The following SPTLC1 variants were observed in gnomAD, a reference collection of about 807,000 sequenced individuals.
SPTLC1 encodes the protein serine palmitoyltransferase long chain base subunit 1.
Under a neutral mutation model 68.9 loss-of-function variants are expected in SPTLC1, and 55 were observed. The observed-to-expected ratio is 0.80, with a 90% CI of 0.64 to 1.00. The LOEUF is 1.00. Among genes scored for constraint, SPTLC1 ranks in the 50% least tolerant of loss-of-function variants. SPTLC1 has a pLI of 0.00. For synonymous variants in SPTLC1, 197 were observed against 201.6 expected, an observed-to-expected ratio of 0.98 and a Z score of 0.19; for missense variants, 449 against 573.1, an observed-to-expected ratio of 0.78 and a Z score of 2.21.
At chr9:92,079,096 G>A in intron 5 of SPTLC1, 1 of 809,584 alleles carries the variant, frequency 1.2e-6, no homozygotes, top group South Asian at 5.6e-5. Context: ...ATTTATTTTT[G>A]AGACAGTCTT....
chr9:92,109,128 C>A (rs1272160156), intron 2 of SPTLC1: 3 of 290,424 alleles, frequency 1.0e-5, no homozygotes, highest in African/African-American at 4.3e-5. Flanking sequence ...CACTTTAATT[C>A]TACCACTCTT....
At chr9:92,087,668 C>A (rs1483454509) in intron 3 of SPTLC1, among the ~76,000 whole-genome samples, 1 of 152,190 alleles carries the variant, frequency 6.6e-6, no homozygotes, top group Admixed American at 6.5e-5. Context: ...GGGGTGCCTC[C>A]CAGTTAGGCT....
chr9:92,059,804 A>C (rs1834024133), intron 6 of SPTLC1, among the ~76,000 whole-genome samples: 1 of 152,196 alleles, frequency 6.6e-6, no homozygotes, highest in African/African-American at 2.4e-5. Context: ...CATCTATGTC[A>C]GCAAAGGCTG....
At chr9:92,075,935 C>G (rs973670952) in intron 5 of SPTLC1, among the ~76,000 whole-genome samples, 6 of 152,118 alleles carry the variant, frequency 3.9e-5, no homozygotes, top group African/African-American at 1.4e-4. Flanking sequence ...TTTTCCTGTC[C>G]CTGACCCAGA....
chr9:92,068,095 A>T lies in SPTLC1; in HGVS notation c.431T>A (p.Val144Asp), dbSNP rs119482083. 1.3e-5 allele frequency: 21 copies of T among 1,613,686 alleles called. No homozygotes were observed. Among genetic ancestry groups the T allele is most frequent in the Non-Finnish European group, 1.8e-5 (21 of 1,179,864 alleles). The change falls in exon 6 of 15, where the codon GTT (valine) becomes GAT (aspartate). Residue 144 changes from valine to aspartate, a missense_variant. This residue lies in a region of SPTLC1 where 391 missense variants were observed against 472.1 expected (regional missense o/e 0.83). Coordinates refer to ENST00000262554, the MANE Select transcript of SPTLC1 (RefSeq NM_006415.4). Reference sequence around the variant, plus strand: ...CAGGCGGTCTTCCAAATCCAAATGAACATCTATTTCAGTTAAAAAAGTTAA... The same window carrying T: ...CAGGCGGTCTTCCAAATCCAAATGATCATCTATTTCAGTTAAAAAAGTTAA... ...GPRGFYGTFD[V>D]HLDLEDRLAK...
Position 92,080,862 on chromosome 9 carries a change from C to A in SPTLC1, c.354+8G>T. 6.3e-7 allele frequency: 1 copy of A among 1,597,958 alleles called. No individual in the cohort carries two copies. The highest frequency in any genetic ancestry group is 8.6e-7 in the Non-Finnish European group (1 of 1,166,120). On this transcript the variant is annotated splice_region_variant and intron_variant, in intron 4 of 14. Coordinates refer to ENST00000262554, the MANE Select transcript of SPTLC1 (RefSeq NM_006415.4). ...TATCTGTCCACTTCAGCAATATGTG[C>A]TACTCACCTTAACCCTAGGGTTATC...
intron 6 of SPTLC1, among the ~76,000 whole-genome samples, chr9:92,062,306 T>C (rs1352962441): frequency 6.6e-6 from 1 of 152,134 alleles, no homozygotes; most frequent in Non-Finnish European, 1.5e-5. Flanking sequence ...GGTCAATTCA[T>C]CAAGAAAACT....
At chr9:92,051,997 A>G (rs936914671) in intron 8 of SPTLC1, among the ~76,000 whole-genome samples, 1 of 152,228 alleles carries the variant, frequency 6.6e-6, no homozygotes, top group Admixed American at 6.5e-5. Flanking sequence ...GGAAGACTTA[A>G]TATCATTAAG....
chr9:92,033,128 C>T (rs1833028734), intron 14 of SPTLC1, among the ~76,000 whole-genome samples: 1 of 152,216 alleles, frequency 6.6e-6, no homozygotes. Flanking sequence ...CCTCGGCCTA[C>T]ACCACACCAG....
chr9:92,105,775 G>A, intron 3 of SPTLC1, among the ~76,000 whole-genome samples: 1 of 151,692 alleles, frequency 6.6e-6, no homozygotes. Flanking sequence ...GCCCTGTCTG[G>A]GAAGTAAGGA....
chr9:92,086,112 CT>C, intron 3 of SPTLC1, among the ~76,000 whole-genome samples: 2 of 151,704 alleles, frequency 1.3e-5, no homozygotes, highest in Non-Finnish European at 2.9e-5. Context: ...TTCCTCCATC[CT>C]TTTATTTTGA....
chr9:92,032,247 A>C lies in SPTLC1; in HGVS notation c.*218T>G. 6.6e-7 allele frequency: 1 copy of C among 1,512,326 alleles called. No individual in the cohort carries two copies. Among genetic ancestry groups the C allele is most frequent in the Non-Finnish European group, 8.8e-7 (1 of 1,135,440 alleles). 93.7% of individuals were successfully genotyped at this position (1,512,326 alleles called of 1,614,324 possible). A position where few individuals can be genotyped will look rare whatever the true frequency, so the allele number is the denominator to read the frequency against. On this transcript the variant is annotated 3_prime_UTR_variant, in exon 15 of 15. Coordinates refer to ENST00000262554, the MANE Select transcript of SPTLC1 (RefSeq NM_006415.4). ...TACACTGTCATTAGTTTTCCTCTTA[A>C]AAAAATCAGTTCCTGGGCTTTTAGA...
chr9:92,051,074 G>A lies in SPTLC1; in HGVS notation c.781-1007C>T, dbSNP rs115495687. 1,924 of 984,432 alleles carry A rather than the reference G, an allele frequency of 2.0e-3. 5 individuals carry two copies. The highest frequency in any genetic ancestry group is 2.3e-3 in the Non-Finnish European group (1,889 of 829,422). 61.0% of individuals were successfully genotyped at this position (984,432 alleles called of 1,614,324 possible). A position where few individuals can be genotyped will look rare whatever the true frequency, so the allele number is the denominator to read the frequency against. On this transcript the variant is annotated intron_variant, in intron 8 of 14. Transcript: ENST00000262554. The stretch of plus-strand genomic sequence containing the variant: ...TCATTACTGTAGCCCTATAATATAC[G>A]TCCTAGTATCTTCTGGTTCACTACC...
At chr9:92,076,378 A>T (rs1204733211) in intron 5 of SPTLC1, among the ~76,000 whole-genome samples, 1 of 151,754 alleles carries the variant, frequency 6.6e-6, no homozygotes, top group African/African-American at 2.4e-5. Context: ...GAAACAGCAA[A>T]CTCCCCAGTA....
chr9:92,049,497 G>GCA (rs994914872), intron 9 of SPTLC1, among the ~76,000 whole-genome samples: 5 of 151,814 alleles, frequency 3.3e-5, no homozygotes, highest in African/African-American at 1.2e-4. Flanking sequence ...ACACACACAT[G>GCA]CACACACACA....
intron 12 of SPTLC1, among the ~76,000 whole-genome samples, chr9:92,040,762 G>GAAAAA (rs111600312): frequency 1.1e-4 from 9 of 85,394 alleles, no homozygotes; most frequent in East Asian, 6.4e-4. Context: ...TGTCTCAAAA[G>GAAAAA]AAAAAAAAAA....
intron 6 of SPTLC1, among the ~76,000 whole-genome samples, chr9:92,063,223 G>A (rs943582199): frequency 1.3e-4 from 20 of 152,154 alleles, no homozygotes; most frequent in African/African-American, 4.1e-4. Flanking sequence ...AGAATAATAC[G>A]GGAATACCAT....
At chr9:92,115,267 C>A in intron 1 of SPTLC1, 47 bp downstream of exon 1, 1 of 1,599,162 alleles carries the variant, frequency 6.3e-7, no homozygotes, top group Non-Finnish European at 8.6e-7. Context: ...CTCCCACCCT[C>A]CCCGGGCCCG....
At chr9:92,065,145 C>T (rs948476897) in intron 6 of SPTLC1, among the ~76,000 whole-genome samples, 4 of 152,194 alleles carry the variant, frequency 2.6e-5, no homozygotes, top group African/African-American at 7.2e-5. Context: ...TTTGAATCTA[C>T]AATTATCTGA....
Sources: gnomAD v4.1 joint callset for allele counts (sites outside exome capture counted in the v4.1 genomes callset) on GRCh38, gnomAD v4.1.1 for gene constraint, gnomAD v4.1.1 regional missense constraint, MANE v1.5 for transcripts, NCBI Gene and HGNC (gene_info 2026-07-23, HGNC 2026-07-21) for gene names.